Variants in CPT1C observed in about 807,000 individuals in gnomAD.
CPT1C encodes the protein carnitine palmitoyltransferase 1C.
A neutral mutation model predicts 97.3 loss-of-function variants in CPT1C; 61 were observed. The observed-to-expected ratio is 0.63, with a 90% CI of 0.51 to 0.78. The LOEUF is 0.78. Ranked by LOEUF, CPT1C falls within the 30% of genes least tolerant of loss-of-function variation. The pLI is 0.00. For missense variants in CPT1C, 975 were observed against 1,065.5 expected (o/e 0.92, Z 1.18); for synonymous variants, 469 against 447.2 (o/e 1.05, Z -0.61).
At chr19:49,704,550 T>C in intron 7 of CPT1C, 160 bp from the exon 8 acceptor site, 1 of 632,688 alleles carries the variant, frequency 1.6e-6, no homozygotes, top group Admixed American at 2.6e-5. Context: ...CCCCCATGGA[T>C]GGATTTCTAG....
At chr19:49,695,893 CAG>C (rs927297510) in intron 3 of CPT1C, among the ~76,000 whole-genome samples, 4 of 149,518 alleles carry the variant, frequency 2.7e-5, no homozygotes, top group African/African-American at 9.9e-5. Context: ...TTTTTTGAGA[CAG>C]CGTCTCACTC....
Position 49,712,906 on chromosome 19 carries a change from A to C in CPT1C, c.2133+57A>C. The C allele has an allele frequency of 1.9e-6, 3 of 1,590,750 alleles. No homozygotes were observed. In the East Asian group the frequency reaches 6.7e-5, roughly 36 times the overall value. Reference sequence around the variant, plus strand: ...GGAAAGAGGGGGCTGGGGGGCCTGCACTCCTGCATAGTGGGGGTGGAGGGG... The same window carrying C: ...GGAAAGAGGGGGCTGGGGGGCCTGCCCTCCTGCATAGTGGGGGTGGAGGGG... On this transcript the variant is annotated intron_variant, in intron 18 of 19. Transcript: ENST00000598293.
At position 49,706,247 on chromosome 19, in the gene CPT1C, G is replaced by A. The variant is rs770711301; in HGVS notation, c.1177G>A (p.Val393Met). ...GCCCTCCAGGGGCACGTGGGCCCAG[G>A]TGCGGACATCCCTGAAGACCCAGGC... ...TAAPRGTWAQVRTSLKTQAAE... is the reference protein window; with the variant it reads ...TAAPRGTWAQMRTSLKTQAAE... Residue 393 changes from valine (V) to methionine (M), a missense_variant, in exon 12 of 20, where the codon GTG (valine) becomes ATG (methionine). Transcript: ENST00000598293. This position sits in a 1 kb window ranked among gnomAD's most constrained non-coding sequence, Gnocchi z 4.8. The A allele has an allele frequency of 3.9e-6, 6 of 1,539,596 alleles. No homozygotes were observed. In the South Asian group the frequency reaches 6.2e-5, roughly 16 times the overall value.
rs548432960 is a variant in CPT1C, at chr19:49,706,472, C to G, written c.1343+59C>G. Reference sequence around the variant, plus strand: ...GGCACCCGAGAATCCAGTATCAGACCTAGGACCCCTGACAGTAGACAGCCA... The same window carrying G: ...GGCACCCGAGAATCCAGTATCAGACGTAGGACCCCTGACAGTAGACAGCCA... On this transcript the variant is annotated intron_variant, in intron 12 of 19. Transcript: ENST00000598293. This position sits in a 1 kb window ranked among gnomAD's most constrained non-coding sequence, Gnocchi z 4.8. 129 of 1,365,688 alleles carry G rather than the reference C, an allele frequency of 9.4e-5. 1 individual carries two copies. The highest frequency in any genetic ancestry group is 7.5e-4 in the Middle Eastern group (3 of 4,026). The allele number at this position is 1,365,688 out of a possible 1,614,324, so 84.6% of individuals were successfully genotyped here.
intron 16 of CPT1C, 148 bp downstream of exon 16, chr19:49,711,005 C>G (rs867244021): frequency 6.6e-6 from 5 of 757,096 alleles, no homozygotes; most frequent in African/African-American, 5.3e-5. Context: ...CTTCAAAGAG[C>G]TCACTGATGG....
chr19:49,701,672 G>A, intron 7 of CPT1C, 38 bp downstream of exon 7: 1 of 1,559,926 alleles, frequency 6.4e-7, no homozygotes, highest in Non-Finnish European at 8.7e-7. Flanking sequence ...CCACCTGAAG[G>A]GCTAAGGTTG....
intron 14 of CPT1C, among the ~76,000 whole-genome samples, chr19:49,709,365 C>T (rs531250173): frequency 6.6e-5 from 10 of 151,596 alleles, no homozygotes; most frequent in South Asian, 2.1e-4. Context: ...AACCCCATCC[C>T]GTACTCAGCC....
At chr19:49,700,023 G>A (rs944453825) in intron 4 of CPT1C, among the ~76,000 whole-genome samples, 3 of 151,734 alleles carry the variant, frequency 2.0e-5, no homozygotes, top group Non-Finnish European at 2.9e-5. Flanking sequence ...CAAGGCAGGC[G>A]GATCACGAGG....
At chr19:49,710,277 C>T (rs750658135) in intron 14 of CPT1C, 43 bp from the exon 15 acceptor site, 1 of 1,598,284 alleles carries the variant, frequency 6.3e-7, no homozygotes, top group African/African-American at 1.3e-5. Context: ...ACCCTACCCC[C>T]ATCTGTAACC....
intron 13 of CPT1C, among the ~76,000 whole-genome samples, chr19:49,708,504 A>C (rs545133472): frequency 1.3e-5 from 2 of 152,228 alleles, no homozygotes; most frequent in South Asian, 4.1e-4. Flanking sequence ...CCTGTCAAAA[A>C]AGGAAAAGAA....
chr19:49,710,094 C>T (rs1347585478), intron 14 of CPT1C, among the ~76,000 whole-genome samples: 1 of 152,120 alleles, frequency 6.6e-6, no homozygotes, highest in Non-Finnish European at 1.5e-5. Context: ...GTGATCCGCC[C>T]GCCTCGGCCT....
At chr19:49,705,884 A>T in intron 10 of CPT1C, 25 bp from the exon 11 acceptor site, 1 of 1,595,866 alleles carries the variant, frequency 6.3e-7, no homozygotes, top group African/African-American at 1.3e-5. Flanking sequence ...TCCTGCCCCC[A>T]TGCTTCTGCC....
At position 49,713,057 on chromosome 19, in the gene CPT1C, C is replaced by G; in HGVS notation, c.2219C>G (p.Thr740Arg). ...CACATCTCCAGCAAAAAATCAAGCA[C>G]AAAAACGGTGAGACAAACGTGTATA... ...TFHISSKKSS[T>R]KTDSHRLGQH... The change falls in exon 19 of 20, where the codon ACA (threonine) becomes AGA (arginine). Residue 740 changes from threonine to arginine, a missense_variant. Physicochemically the swap from Thr to Arg is moderately conservative, Grantham distance 71. This residue lies in a region of CPT1C where 344 missense variants were observed against 395.7 expected (regional missense o/e 0.87). Coordinates refer to ENST00000598293, the MANE Select transcript of CPT1C (RefSeq NM_001199753.2). 6.2e-7 allele frequency: 1 copy of G among 1,613,614 alleles called. No individual in the cohort carries two copies. The highest frequency in any genetic ancestry group is 8.5e-7 in the Non-Finnish European group (1 of 1,179,528).
intron 5 of CPT1C, 136 bp downstream of exon 5, chr19:49,700,991 C>G (rs1433213242): frequency 8.2e-6 from 7 of 850,888 alleles, no homozygotes; most frequent in Non-Finnish European, 1.1e-5. Flanking sequence ...CTTTCTGGGT[C>G]TCTGTCCTCC....
In CPT1C at chr19:49,701,513, G is replaced by A. The variant is rs2083057223; in HGVS notation, c.572G>A (p.Arg191Gln). 1 of 1,610,800 alleles carries A rather than the reference G, an allele frequency of 6.2e-7. No homozygotes were observed. The highest frequency in any genetic ancestry group is 1.1e-5 in the South Asian group (1 of 90,850). The change falls in exon 7 of 20, where the codon CGG becomes CAG. Residue 191 changes from arginine (R) to glutamine (Q), a missense_variant. Arg to Gln is a conservative substitution (Grantham distance 43). Transcript: ENST00000598293. ...DTVRKYLESV[R>Q]PILSDEDFDW... ...CCCCTTTAGTACCTGGAGTCGGTCC[G>A]GCCCATCCTCTCCGACGAGGACTTC...
At chr19:49,712,891 G>C in intron 18 of CPT1C, 42 bp downstream of exon 18, 1 of 1,596,396 alleles carries the variant, frequency 6.3e-7, no homozygotes, top group Non-Finnish European at 8.6e-7. Flanking sequence ...GGAAAGAGGG[G>C]GCTGGGGGGC....
At chr19:49,700,541 A>C in intron 4 of CPT1C, 143 bp from the exon 5 acceptor site, 7 of 811,068 alleles carry the variant, frequency 8.6e-6, no homozygotes, top group Non-Finnish European at 1.4e-5. Flanking sequence ...AGGGGGTGAC[A>C]GAGCTCACAC....
At chr19:49,691,975 A>T (rs1380127949) in intron 2 of CPT1C, 86 bp downstream of exon 2, 1 of 422,940 alleles carries the variant, frequency 2.4e-6, no homozygotes, top group Non-Finnish European at 4.3e-6. Context: ...GGTCTGAGGG[A>T]GGAGGGGCTG....
chr19:49,701,121 C>CTCTGGGTCTCTGTCCCCCTCTCTT (rs2083019205), intron 5 of CPT1C, among the ~76,000 whole-genome samples, 196 bp from the exon 6 acceptor site: 1 of 142,382 alleles, frequency 7.0e-6, no homozygotes, highest in African/African-American at 2.6e-5. Context: ...CCCCCTCTCT[C>CTCTGGGTCTCTGTCCCCCTCTCTT]TCTGGGTCTC....
Sources: allele counts gnomAD v4.1 joint callset (sites outside exome capture counted in the v4.1 genomes callset), GRCh38; gene constraint gnomAD v4.1.1; regional missense constraint gnomAD v4.1.1; non-coding constraint Gnocchi (gnomAD v3.1); transcripts MANE v1.5; gene names NCBI Gene and HGNC (gene_info 2026-07-23, HGNC 2026-07-21).